Variants in PCSK5 observed in about 807,000 individuals in gnomAD.
PCSK5 encodes the protein prohormone convertase 5.
A neutral mutation model predicts 233.2 loss-of-function variants in PCSK5; 129 were observed. That is an observed-to-expected ratio of 0.55 (90% CI 0.48 to 0.64). The LOEUF (loss-of-function observed/expected upper bound fraction) is 0.64, where lower values mean the gene tolerates loss of function less well. Among genes scored for constraint, PCSK5 ranks in the 30% least tolerant of loss-of-function variants. PCSK5 has a pLI of 0.00. For missense variants in PCSK5, 2,076 were observed against 2,430.1 expected (o/e 0.85, Z 3.06); for synonymous variants, 825 against 879.2 (o/e 0.94, Z 1.09).
chr9:76,116,428 A>G (rs2131703640), intron 9 of PCSK5, among the ~76,000 whole-genome samples: 1 of 152,178 alleles, frequency 6.6e-6, no homozygotes, highest in South Asian at 2.1e-4. Flanking sequence ...TTTGCATATC[A>G]CAGAAAACGC....
At chr9:76,200,497 C>T (rs113209156) in intron 20 of PCSK5, among the ~76,000 whole-genome samples, 3,453 of 152,282 alleles carry the variant, frequency 0.023, 55 homozygotes, top group Middle Eastern at 0.034. Flanking sequence ...CAGCCAGCCC[C>T]GTGAGAGCTG....
intron 2 of PCSK5, 130 bp downstream of exon 2, chr9:75,932,613 T>C (rs1229309304): frequency 6.2e-6 from 4 of 646,356 alleles, no homozygotes; most frequent in Non-Finnish European, 1.1e-5. Flanking sequence ...TCCTTTGGTC[T>C]AGTGTCTATG....
At chr9:75,906,371 G>T (rs965028737) in intron 1 of PCSK5, among the ~76,000 whole-genome samples, 1 of 152,108 alleles carries the variant, frequency 6.6e-6, no homozygotes, top group Admixed American at 6.5e-5. Flanking sequence ...GATTACAGGT[G>T]TCTGTCACCA....
chr9:76,116,160 A>G (rs773755739), intron 9 of PCSK5, among the ~76,000 whole-genome samples: 5 of 152,106 alleles, frequency 3.3e-5, no homozygotes, highest in Non-Finnish European at 4.4e-5. Context: ...ACTAACATGT[A>G]AGATTTTATT....
chr9:75,986,380 G>A (rs191602167), intron 3 of PCSK5, 135 bp downstream of exon 3: 1 of 603,042 alleles, frequency 1.7e-6, no homozygotes, highest in Non-Finnish European at 3.0e-6. Flanking sequence ...CACCATTTGA[G>A]ATTGGTTAAT....
At chr9:76,223,170 C>T (rs1161020055) in intron 20 of PCSK5, among the ~76,000 whole-genome samples, 2 of 152,194 alleles carry the variant, frequency 1.3e-5, no homozygotes, top group Non-Finnish European at 2.9e-5. Flanking sequence ...TTTTTAAACT[C>T]ACATCATAAA....
intron 3 of PCSK5, among the ~76,000 whole-genome samples, chr9:76,006,835 C>T (rs1170253169): frequency 2.0e-5 from 3 of 152,140 alleles, no homozygotes; most frequent in Non-Finnish European, 4.4e-5. Context: ...TGAAGGATAG[C>T]TTCACTGATA....
intron 3 of PCSK5, among the ~76,000 whole-genome samples, chr9:75,996,127 C>A (rs1313003126): frequency 7.2e-5 from 11 of 152,106 alleles, no homozygotes; most frequent in Non-Finnish European, 1.5e-5. Flanking sequence ...TAAAAATTTT[C>A]ATAATTAATA....
At chr9:76,009,142 G>A (rs1827609166) in intron 3 of PCSK5, among the ~76,000 whole-genome samples, 4 of 152,038 alleles carry the variant, frequency 2.6e-5, no homozygotes, top group South Asian at 4.1e-4. Context: ...TGAGCAAAAA[G>A]CATGCGCAAA....
At chr9:76,157,014 G>C (rs201291370) in intron 10 of PCSK5, 31 bp from the exon 11 acceptor site, 56 of 1,495,034 alleles carry the variant, frequency 3.7e-5, no homozygotes, top group Non-Finnish European at 5.2e-5. Context: ...ATGTAGCTTA[G>C]TGAAGCTGAC....
chr9:76,251,939 C>A (rs372745928), intron 24 of PCSK5, among the ~76,000 whole-genome samples: 1 of 152,034 alleles, frequency 6.6e-6, no homozygotes, highest in East Asian at 1.9e-4. Flanking sequence ...CCTTCTGATT[C>A]TAGAGCAGAA....
chr9:76,021,527 A>T lies in PCSK5; in HGVS notation c.412-2211A>T, dbSNP rs892341959. On this transcript the variant is annotated intron_variant, in intron 3 of 37. Transcript: ENST00000674117. Reference sequence around the variant, plus strand: ...GTAGAATAGTAGAGAGTGTGTGTTCAGGGCCTCAGGTGCCAGAAAGAAGTC... The same window carrying T: ...GTAGAATAGTAGAGAGTGTGTGTTCTGGGCCTCAGGTGCCAGAAAGAAGTC... Among the ~76,000 whole-genome samples, 4 of 152,272 alleles carry T rather than the reference A, an allele frequency of 2.6e-5. No homozygotes were observed. The South Asian group carries it at 6.2e-4, about 24-fold the overall frequency.
intron 5 of PCSK5, among the ~76,000 whole-genome samples, chr9:76,051,599 CA>C (rs553624468): frequency 7.7e-5 from 11 of 143,100 alleles, no homozygotes; most frequent in South Asian, 2.2e-4. Context: ...GACAGATGTC[CA>C]AAAAAAAAAC....
In PCSK5 at chr9:76,276,772, C is replaced by A. The variant is rs62564584; in HGVS notation, c.3143-15461C>A. Among the ~76,000 whole-genome samples the A allele has an allele frequency of 7.5e-3, 1,147 of 152,304 alleles. 8 individuals carry two copies. The highest frequency in any genetic ancestry group is 0.024 in the Middle Eastern group (7 of 294). On this transcript the variant is annotated intron_variant, in intron 24 of 37. Transcript: ENST00000674117. Reference sequence around the variant, plus strand: ...ATTTACGTACTTACTTATGTGTTTTCTTCACCCAATGCATATTTCTGGAGC... The same window carrying A: ...ATTTACGTACTTACTTATGTGTTTTATTCACCCAATGCATATTTCTGGAGC...
Position 76,055,238 on chromosome 9 carries a change from T to C in PCSK5, c.633-12717T>C, listed in dbSNP as rs532639278. Reference sequence around the variant, plus strand: ...GTATTATTTTATGTATCTATTTATTTGTTATTTTGAACAAGTTTTCCTGAC... The same window carrying C: ...GTATTATTTTATGTATCTATTTATTCGTTATTTTGAACAAGTTTTCCTGAC... On this transcript the variant is annotated intron_variant, in intron 5 of 37. Coordinates refer to ENST00000674117, the MANE Select transcript of PCSK5 (RefSeq NM_001372043.1). Among the ~76,000 whole-genome samples, 14 of 152,250 alleles carry C rather than the reference T, an allele frequency of 9.2e-5. No homozygotes were observed. The South Asian group carries it at 2.9e-3, about 32-fold the overall frequency.
chr9:76,307,234 G>T (rs1037197440), intron 28 of PCSK5, among the ~76,000 whole-genome samples: 11 of 152,178 alleles, frequency 7.2e-5, no homozygotes, highest in Admixed American at 3.9e-4. Flanking sequence ...GAAGGCAGGT[G>T]TGACTAGAGC....
chr9:76,120,252 T>A (rs145477903), intron 9 of PCSK5, among the ~76,000 whole-genome samples: 2 of 152,196 alleles, frequency 1.3e-5, no homozygotes, highest in African/African-American at 4.8e-5. Context: ...CCTTTAGCAT[T>A]TTCTGTTTTA....
chr9:76,160,259 C>A (rs1158421762), intron 12 of PCSK5, among the ~76,000 whole-genome samples: 2 of 152,116 alleles, frequency 1.3e-5, no homozygotes, highest in Non-Finnish European at 2.9e-5. Context: ...ACAATGTGGC[C>A]AGAATGTTCT....
chr9:76,320,365 G>A (rs1829156324), intron 30 of PCSK5, among the ~76,000 whole-genome samples: 1 of 150,058 alleles, frequency 6.7e-6, no homozygotes, highest in Non-Finnish European at 1.5e-5. Context: ...GGGAGGCAGA[G>A]GTTGTGGTGA....
Sources: gnomAD v4.1 joint callset for allele counts (sites outside exome capture counted in the v4.1 genomes callset) on GRCh38, gnomAD v4.1.1 for gene constraint, MANE v1.5 for transcripts, NCBI Gene and HGNC (gene_info 2026-07-23, HGNC 2026-07-21) for gene names.